Variants in ACLY observed in about 807,000 individuals in gnomAD.
ACLY encodes the protein ATP citrate lyase.
In ACLY, 41 loss-of-function variants were observed where a neutral mutation model predicts 133.0. The observed-to-expected ratio is 0.31, with a 90% CI of 0.24 to 0.40. The LOEUF is 0.40. ACLY is among the 10% of genes least tolerant of loss of function. ACLY has a pLI of 1.00. For synonymous variants in ACLY, 495 were observed against 549.3 expected (o/e 0.90, Z 1.38); for missense variants, 1,046 against 1,453.8 (o/e 0.72, Z 4.56).
In ACLY at chr17:41,903,398, C is replaced by T. The variant is rs541906583; in HGVS notation, c.1065+1331G>A. 3.9e-5 allele frequency among the ~76,000 whole-genome samples: 6 copies of T among 152,224 alleles called. No individual in the cohort carries two copies. The South Asian group carries it at 6.2e-4, about 16-fold the overall frequency. ...GACCCCAGTAGGATGAGAGGAGCCCCGGATCATCAAAGCACTTTCTTCATT... is the reference window on the plus strand; with the variant it reads ...GACCCCAGTAGGATGAGAGGAGCCCTGGATCATCAAAGCACTTTCTTCATT... On this transcript the variant is annotated intron_variant, in intron 10 of 28. Coordinates refer to ENST00000352035, the MANE Select transcript of ACLY (RefSeq NM_001096.3).
At chr17:41,872,216 C>T (rs782144961) in intron 23 of ACLY, 34 bp from the exon 24 acceptor site, 9 of 1,598,426 alleles carry the variant, frequency 5.6e-6, no homozygotes, top group African/African-American at 1.3e-5. Context: ...AGGAGATGGT[C>T]GACAAGGCCA....
chr17:41,879,788 G>A (rs1195140433), intron 20 of ACLY, among the ~76,000 whole-genome samples: 1 of 147,310 alleles, frequency 6.8e-6, no homozygotes, highest in African/African-American at 2.5e-5. Flanking sequence ...GTGCTATCTT[G>A]GCTCACTGCA....
chr17:41,887,127 G>GGAAAA (rs2049070157), intron 17 of ACLY, among the ~76,000 whole-genome samples: 2 of 110,412 alleles, frequency 1.8e-5, no homozygotes, highest in Non-Finnish European at 3.6e-5. Flanking sequence ...CCGTCTCAAA[G>GGAAAA]AAAAAAAAAA....
intron 16 of ACLY, among the ~76,000 whole-genome samples, chr17:41,890,472 C>T (rs1367321657): frequency 6.7e-6 from 1 of 148,164 alleles, no homozygotes; most frequent in African/African-American, 2.5e-5. Context: ...ATCACGAGGT[C>T]GAGAGATCGA....
chr17:41,882,899 G>C (rs1179669560), intron 20 of ACLY, among the ~76,000 whole-genome samples: 1 of 152,216 alleles, frequency 6.6e-6, no homozygotes, highest in Non-Finnish European at 1.5e-5. Context: ...TAGGGACTCA[G>C]AGCCTGACTG....
At chr17:41,870,072 G>T (rs1023998706) in intron 25 of ACLY, among the ~76,000 whole-genome samples, 2 of 152,180 alleles carry the variant, frequency 1.3e-5, no homozygotes, top group African/African-American at 4.8e-5. Context: ...TGCTGTGAAT[G>T]AAATTAACCA....
intron 22 of ACLY, among the ~76,000 whole-genome samples, chr17:41,875,792 C>A (rs1392839090): frequency 6.6e-6 from 1 of 152,226 alleles, no homozygotes; most frequent in Non-Finnish European, 1.5e-5. Flanking sequence ...CAGCTCGCTA[C>A]AACCTCCACC....
rs1267704839 is a variant in ACLY at position 41,871,674 on chromosome 17, A to G, written c.2937+15T>C. 2.5e-6 allele frequency: 4 copies of G among 1,613,600 alleles called. No homozygotes were observed. The highest frequency in any genetic ancestry group is 3.4e-6 in the Non-Finnish European group (4 of 1,179,916). ...CTGGCCTCCATCCCACTTTTTTAGG[A>G]GAGTAACAACTCACCGACTTCACTC... On this transcript the variant is annotated intron_variant, in intron 25 of 28. Transcript: ENST00000352035.
chr17:41,876,289 TG>T (rs1328017524), intron 22 of ACLY, among the ~76,000 whole-genome samples: 1 of 139,382 alleles, frequency 7.2e-6, no homozygotes, highest in Admixed American at 7.1e-5. Flanking sequence ...GGGAGGGAGG[TG>T]GGGGGGTCAG....
Position 41,884,196 on chromosome 17 carries a change from T to C in ACLY, c.2151A>G (p.Gly717=), listed in dbSNP as rs1555627799. 2 of 1,593,512 alleles carry C rather than the reference T, an allele frequency of 1.3e-6. No individual in the cohort carries two copies. The highest frequency in any genetic ancestry group is 2.2e-5 in the South Asian group (2 of 90,500). ...TTTTTTTTTTAAAGTAACTCACCTC[T>C]CCAAGAACCACAATCATTTTGACTC... ...TPGVKMIVVL[G]EIGGTEEYKI... Residue 717 remains glycine (G), a synonymous_variant, in exon 19 of 29, where the codon GGA becomes GGG. Transcript: ENST00000352035.
chr17:41,878,876 C>A lies in ACLY; in HGVS notation c.2314G>T (p.Ala772Ser). 6.2e-7 allele frequency: 1 copy of A among 1,614,108 alleles called. No homozygotes were observed. Among genetic ancestry groups the A allele is most frequent in the Non-Finnish European group, 8.5e-7 (1 of 1,180,002 alleles). Residue 772 changes from alanine (A) to serine (S), a missense_variant, in exon 21 of 29, where the codon GCA (alanine) becomes TCA (serine). Ala to Ser is a moderately conservative substitution (Grantham distance 99). This residue lies in a region of ACLY where 575 missense variants were observed against 804.2 expected (regional missense o/e 0.71). Transcript: ENST00000352035. ...TTCAAAGCCTGGTTCTTGGCTACTG[C>A]AGTTTCAGAAGCCTGGTTGGCACAA... ...GACANQASETAVAKNQALKEA... is the reference protein window; with the variant it reads ...GACANQASETSVAKNQALKEA...
Position 41,869,355 on chromosome 17 carries a change from A to G in ACLY, c.3051+119T>C, listed in dbSNP as rs2048541104. ...TGTTAAATTTAGTTATGAAACAAAA[A>G]TAACATTTCTAGAAAACTAGGTTTG... is the stretch of plus-strand genomic sequence containing the variant. On this transcript the variant is annotated intron_variant, in intron 26 of 28. Coordinates refer to ENST00000352035, the MANE Select transcript of ACLY (RefSeq NM_001096.3). 3.3e-6 allele frequency: 3 copies of G among 921,516 alleles called. No individual in the cohort carries two copies. In the South Asian group the frequency reaches 4.8e-5, roughly 15 times the overall value. 57.1% of individuals were successfully genotyped at this position (921,516 alleles called of 1,614,324 possible).
intron 16 of ACLY, among the ~76,000 whole-genome samples, chr17:41,891,584 G>A (rs1294878494): frequency 2.0e-5 from 3 of 151,598 alleles, no homozygotes; most frequent in African/African-American, 7.3e-5. Flanking sequence ...TAGGGACAGG[G>A]TCTTGCTTTG....
intron 20 of ACLY, among the ~76,000 whole-genome samples, chr17:41,880,876 A>C (rs1160544776): frequency 6.6e-6 from 1 of 151,850 alleles, no homozygotes; most frequent in Non-Finnish European, 1.5e-5. Context: ...AAAAAAAAAA[A>C]AACACAAAAA....
In ACLY at chr17:41,868,782, C is replaced by T. The variant is rs1322488899; in HGVS notation, c.3138G>A (p.Glu1046=). The T allele has an allele frequency of 6.2e-7, 1 of 1,613,744 alleles. No homozygotes were observed. The highest frequency in any genetic ancestry group is 8.5e-7 in the Non-Finnish European group (1 of 1,179,976). ...CAATGTCAATATATTCATCAGCTTCCTCCCTGCAACACACATCAACTTGTA... is the reference window on the plus strand; with the variant it reads ...CAATGTCAATATATTCATCAGCTTCTTCCCTGCAACACACATCAACTTGTA... The part of the protein sequence containing the change: ...MLRNCGSFTR[E]EADEYIDIGA... The change falls in exon 28 of 29, where the codon GAG becomes GAA. Residue 1046 remains glutamate (E), a synonymous_variant. Transcript: ENST00000352035.
intron 11 of ACLY, 44 bp from the exon 12 acceptor site, chr17:41,898,829 T>C (rs1362706508): frequency 1.3e-6 from 2 of 1,585,248 alleles, no homozygotes; most frequent in Non-Finnish European, 1.7e-6. Context: ...AGTCTGCAGA[T>C]AAGGGCCCAA....
chr17:41,868,843 C>T (rs1193239982), intron 27 of ACLY, 58 bp from the exon 28 acceptor site: 4 of 1,534,382 alleles, frequency 2.6e-6, no homozygotes, highest in African/African-American at 1.4e-5. Context: ...CTCCTCCCCA[C>T]AGACAGTACT....
At position 41,867,728 on chromosome 17, in the gene ACLY, C is replaced by T; in HGVS notation, c.*82G>A. 1.7e-6 allele frequency: 2 copies of T among 1,145,864 alleles called. No homozygotes were observed. Among genetic ancestry groups the T allele is most frequent in the Non-Finnish European group, 2.5e-6 (2 of 803,950 alleles). The allele number at this position is 1,145,864 out of a possible 1,614,324, so 71.0% of individuals were successfully genotyped here. A position where few individuals can be genotyped will look rare whatever the true frequency, so the allele number is the denominator to read the frequency against. On this transcript the variant is annotated 3_prime_UTR_variant, in exon 29 of 29. Transcript: ENST00000352035. ...CCAGGCCCCTGCTAAATAAAGCAGG[C>T]TCCACTGCCAGCTGTCTGTACACTT... is the stretch of plus-strand genomic sequence containing the variant.
chr17:41,894,262 C>G (rs2049298554), intron 14 of ACLY, among the ~76,000 whole-genome samples: 1 of 150,950 alleles, frequency 6.6e-6, no homozygotes, highest in South Asian at 2.1e-4. Flanking sequence ...CACCTGTAAT[C>G]CCAGCTTCTT....
Sources: allele counts gnomAD v4.1 joint callset (sites outside exome capture counted in the v4.1 genomes callset), GRCh38; gene constraint gnomAD v4.1.1; regional missense constraint gnomAD v4.1.1; transcripts MANE v1.5; gene names NCBI Gene and HGNC (gene_info 2026-07-23, HGNC 2026-07-21).